The following ETS1 variants were observed in gnomAD, a reference collection of about 807,000 sequenced individuals.
ETS1 encodes the protein protein C-ets-1.
In ETS1, 15 loss-of-function variants were observed where a neutral mutation model predicts 58.6. That is an observed-to-expected ratio of 0.26 (90% CI 0.17 to 0.39). ETS1 has a LOEUF of 0.39. Ranked by LOEUF, ETS1 falls within the 10% of genes least tolerant of loss-of-function variation. The pLI is 1.00. For synonymous variants in ETS1, 214 were observed against 218.2 expected, an observed-to-expected ratio of 0.98 and a Z score of 0.17; for missense variants, 417 against 610.5, an observed-to-expected ratio of 0.68 and a Z score of 3.34.
intron 3 of ETS1, among the ~76,000 whole-genome samples, chr11:128,514,193 C>T (rs1863463224): frequency 6.6e-6 from 1 of 151,942 alleles, no homozygotes; most frequent in Non-Finnish European, 1.5e-5. Flanking sequence ...AACGCTTATT[C>T]TGATAAACTG....
chr11:128,514,728 A>G (rs545112439), intron 3 of ETS1, among the ~76,000 whole-genome samples: 1 of 152,190 alleles, frequency 6.6e-6, no homozygotes, highest in Non-Finnish European at 1.5e-5. Context: ...CTGACCACCC[A>G]TCTACCCATG....
chr11:128,521,273 G>C (rs984782263), intron 3 of ETS1, among the ~76,000 whole-genome samples: 1 of 152,134 alleles, frequency 6.6e-6, no homozygotes, highest in Admixed American at 6.5e-5. Flanking sequence ...TTTGGTACCA[G>C]AAGAAAAATT....
intron 5 of ETS1, among the ~76,000 whole-genome samples, chr11:128,487,175 T>A (rs1862655754): frequency 6.6e-6 from 1 of 152,236 alleles, no homozygotes; most frequent in South Asian, 2.1e-4. Flanking sequence ...GAACAAAAGC[T>A]GTAGCCTCAG....
chr11:128,520,325 T>A (rs1324146176), intron 3 of ETS1, among the ~76,000 whole-genome samples: 2 of 152,290 alleles, frequency 1.3e-5, no homozygotes, highest in South Asian at 2.1e-4. Context: ...GGATGAAAGA[T>A]CCCTTGTAGG....
chr11:128,537,370 A>C (rs1196887811), intron 3 of ETS1, among the ~76,000 whole-genome samples: 1 of 152,202 alleles, frequency 6.6e-6, no homozygotes, highest in Non-Finnish European at 1.5e-5. Flanking sequence ...TAATCCACTA[A>C]TTCCTACTTG....
chr11:128,476,360 T>G (rs561432142), intron 8 of ETS1, among the ~76,000 whole-genome samples: 1 of 152,356 alleles, frequency 6.6e-6, no homozygotes, highest in East Asian at 1.9e-4. Context: ...CTAATCAGTC[T>G]AGGCAGGCAA....
At chr11:128,543,037 T>A (rs977441010) in intron 3 of ETS1, among the ~76,000 whole-genome samples, 2 of 151,788 alleles carry the variant, frequency 1.3e-5, no homozygotes, top group Admixed American at 6.6e-5. Flanking sequence ...TAGCCGGGCA[T>A]GGTGGCAAGC....
At position 128,460,400 on chromosome 11, in the gene ETS1, A is replaced by G. The variant is rs1565360883; in HGVS notation, c.*1961T>C. On this transcript the variant is annotated 3_prime_UTR_variant, in exon 10 of 10. Transcript: ENST00000392668. ...TGTTCCTGATAATTCTGGGTCTGCA[A>G]GAGGATCTGGGAGTAAATAACAATC... is the stretch of plus-strand genomic sequence containing the variant. 6.5e-6 allele frequency: 1 copy of G among 152,812 alleles called. No individual in the cohort carries two copies. The highest frequency in any genetic ancestry group is 1.5e-5 in the Non-Finnish European group (1 of 68,050). The allele number at this position is 152,812 out of a possible 1,614,324, so 9.5% of individuals were successfully genotyped here.
At chr11:128,474,663 C>T (rs529401284) in intron 8 of ETS1, among the ~76,000 whole-genome samples, 1 of 152,292 alleles carries the variant, frequency 6.6e-6, no homozygotes, top group African/African-American at 2.4e-5. Flanking sequence ...AGGTCCACGC[C>T]AGGCACCCCT....
At chr11:128,584,991 G>GAAGAAAGA (rs1864954214) in intron 1 of ETS1, among the ~76,000 whole-genome samples, 1 of 11,810 alleles carries the variant, frequency 8.5e-5, no homozygotes, top group African/African-American at 3.1e-4. Flanking sequence ...AGAAAGAAAG[G>GAAGAAAGA]AAGGAAGGAA....
intron 3 of ETS1, among the ~76,000 whole-genome samples, chr11:128,550,673 G>A (rs1864215185): frequency 6.6e-6 from 1 of 152,184 alleles, no homozygotes; most frequent in Non-Finnish European, 1.5e-5. Flanking sequence ...GGCCTTCTGT[G>A]AAAGGCTGGA....
In ETS1 at chr11:128,462,166, C is replaced by A; in HGVS notation, c.*195G>T. On this transcript the variant is annotated 3_prime_UTR_variant, in exon 10 of 10. Coordinates refer to ENST00000392668, the MANE Select transcript of ETS1 (RefSeq NM_001143820.2). ...GCTCAAGAATTTCTGGTCCCACCCACCCCACAAGTCCTGGCTTTCCTTTCC... is the reference window on the plus strand; with the variant it reads ...GCTCAAGAATTTCTGGTCCCACCCAACCCACAAGTCCTGGCTTTCCTTTCC... The A allele has an allele frequency of 7.4e-6, 4 of 538,198 alleles. No individual in the cohort carries two copies. Among genetic ancestry groups the A allele is most frequent in the Admixed American group, 3.1e-5 (1 of 31,944 alleles). 33.3% of individuals were successfully genotyped at this position (538,198 alleles called of 1,614,324 possible).
intron 7 of ETS1, among the ~76,000 whole-genome samples, chr11:128,483,028 G>C (rs1862532661): frequency 6.6e-6 from 1 of 152,206 alleles, no homozygotes; most frequent in South Asian, 2.1e-4. Flanking sequence ...AATGCTTTCG[G>C]TCTAGACCAA....
At chr11:128,498,430 A>G (rs1420054104) in intron 3 of ETS1, among the ~76,000 whole-genome samples, 1 of 152,160 alleles carries the variant, frequency 6.6e-6, no homozygotes, top group Non-Finnish European at 1.5e-5. Flanking sequence ...AACAGAATAG[A>G]CTAATTTCTT....
chr11:128,546,755 G>A (rs1314742606), intron 3 of ETS1, among the ~76,000 whole-genome samples: 1 of 152,160 alleles, frequency 6.6e-6, no homozygotes, highest in Non-Finnish European at 1.5e-5. Context: ...GAAGGTGTTA[G>A]CTCTGAATTT....
chr11:128,567,962 T>C (rs1193264823), intron 2 of ETS1, among the ~76,000 whole-genome samples: 1 of 152,124 alleles, frequency 6.6e-6, no homozygotes. Flanking sequence ...ATACAGTTAC[T>C]TCACCCTCAA....
At chr11:128,539,613 T>C (rs1864024539) in intron 3 of ETS1, among the ~76,000 whole-genome samples, 1 of 152,160 alleles carries the variant, frequency 6.6e-6, no homozygotes, top group South Asian at 2.1e-4. Context: ...AGAGTTACCA[T>C]ACGACCCAGA....
At chr11:128,534,028 A>G (rs538099175) in intron 3 of ETS1, among the ~76,000 whole-genome samples, 1 of 152,340 alleles carries the variant, frequency 6.6e-6, no homozygotes, top group South Asian at 2.1e-4. Context: ...GTGCATAGTA[A>G]AGGGCGTTAT....
intron 8 of ETS1, among the ~76,000 whole-genome samples, chr11:128,472,479 G>A (rs966930633): frequency 1.3e-5 from 2 of 152,176 alleles, no homozygotes; most frequent in African/African-American, 4.8e-5. Flanking sequence ...CTTGAGTCCT[G>A]CCACATGGAA....
Sources: allele counts gnomAD v4.1 joint callset (sites outside exome capture counted in the v4.1 genomes callset), GRCh38; gene constraint gnomAD v4.1.1; transcripts MANE v1.5; gene names NCBI Gene and HGNC (gene_info 2026-07-23, HGNC 2026-07-21).